Variants in AXIN2 observed in about 807,000 individuals in gnomAD.
The protein encoded by AXIN2 is axin 2.
A neutral mutation model predicts 74.7 loss-of-function variants in AXIN2; 21 were observed. That is an observed-to-expected ratio of 0.28 (90% CI 0.20 to 0.40). The LOEUF (loss-of-function observed/expected upper bound fraction) is 0.40. Among genes scored for constraint, AXIN2 ranks in the 10% least tolerant of loss-of-function variants. The pLI is 1.00. For synonymous variants in AXIN2, 532 were observed against 454.9 expected (o/e 1.17, Z -2.16); for missense variants, 1,144 against 1,111.1 (o/e 1.03, Z -0.42).
intron 3 of AXIN2, among the ~76,000 whole-genome samples, 164 bp downstream of exon 3, chr17:65,549,356 A>G (rs1025109669): frequency 6.6e-6 from 1 of 152,112 alleles, no homozygotes; most frequent in Admixed American, 6.5e-5. Context: ...ATCCTCCTTA[A>G]TCAGCACCAT....
chr17:65,541,100 A>G (rs1431768456), intron 4 of AXIN2, among the ~76,000 whole-genome samples: 1 of 151,564 alleles, frequency 6.6e-6, no homozygotes, highest in Non-Finnish European at 1.5e-5. Context: ...TGGGTCTCGA[A>G]CTCCTGACCT....
rs146046642 is a variant in AXIN2, at chr17:65,554,425, G to A, written c.815+3381C>T. Among the ~76,000 whole-genome samples, 777 of 152,340 alleles carry A rather than the reference G, an allele frequency of 5.1e-3. 18 individuals are homozygous for A. The highest frequency in any genetic ancestry group is 0.041 in the Admixed American group (630 of 15,306). ...AGCATTTTCTAAGGCAAGATCAAGGGACACTCGGCAAGGGGCCAGGACTCC... is the reference window on the plus strand; with the variant it reads ...AGCATTTTCTAAGGCAAGATCAAGGAACACTCGGCAAGGGGCCAGGACTCC... On this transcript the variant is annotated intron_variant, in intron 2 of 10. Coordinates refer to ENST00000307078, the MANE Select transcript of AXIN2 (RefSeq NM_004655.4).
Position 65,537,760 on chromosome 17 carries a change from G to T in AXIN2, c.1276C>A (p.Leu426Met). ...TCTTCCTCGTAGCTGCCGGAGGGCA[G>T]TAGGGAGAGGGGGTGCTGCGTGGGC... is the stretch of plus-strand genomic sequence containing the variant. ...GAPTQHPLSL[L>M]PSGSYEEDPQ... The change falls in exon 6 of 11, where the codon CTG becomes ATG. Residue 426 changes from leucine (L) to methionine (M), a missense_variant. Around this residue, in one of 4 missense-constraint regions of AXIN2, gnomAD observed 1,053 missense variants for 973.5 expected, o/e 1.08. Coordinates refer to ENST00000307078, the MANE Select transcript of AXIN2 (RefSeq NM_004655.4). 6.3e-7 allele frequency: 1 copy of T among 1,583,038 alleles called. No homozygotes were observed. Among genetic ancestry groups the T allele is most frequent in the South Asian group, 1.1e-5 (1 of 87,090 alleles).
intron 8 of AXIN2, 122 bp from the exon 9 acceptor site, chr17:65,535,843 C>G (rs998963874): frequency 1.1e-6 from 1 of 887,186 alleles, no homozygotes; most frequent in Non-Finnish European, 1.8e-6. Context: ...TCCATCCTTA[C>G]GGAGACCCAA....
chr17:65,540,639 C>T (rs1364698768), intron 4 of AXIN2, among the ~76,000 whole-genome samples: 1 of 152,066 alleles, frequency 6.6e-6, no homozygotes, highest in Non-Finnish European at 1.5e-5. Context: ...GTGTTTCGTG[C>T]CCTCCCTGCA....
Position 65,529,986 on chromosome 17 carries a change from C to G in AXIN2, c.2522G>C (p.Arg841Pro), listed in dbSNP as rs562176077. The change falls in exon 11 of 11, where the codon CGG becomes CCG. Residue 841 changes from arginine (R) to proline (P), a missense_variant. Arg to Pro is a moderately radical substitution (Grantham distance 103). Around this residue, in one of 4 missense-constraint regions of AXIN2, gnomAD observed 65 missense variants for 95.7 expected, o/e 0.68. Coordinates refer to ENST00000307078, the MANE Select transcript of AXIN2 (RefSeq NM_004655.4). ...GCCAGACCCCAGGGCTCAATCGATC[C>G]GCTCCACTTTGCCCAGAATCCGGCC... ...YEGRILGKVE[R>P]ID is the part of the protein sequence containing the mutation. The G allele has an allele frequency of 1.2e-6, 2 of 1,614,072 alleles. No individual in the cohort carries two copies. The highest frequency in any genetic ancestry group is 8.5e-7 in the Non-Finnish European group (1 of 1,180,024).
rs774856851 is a variant in AXIN2, at chr17:65,535,562, T to C, written c.2237+64A>G. On this transcript the variant is annotated intron_variant, in intron 9 of 10. Transcript: ENST00000307078. ...AGTTTCATGAAAATGAAACTCCAGA[T>C]AGCGAATATTCTGAAACATAAAGCA... is the stretch of plus-strand genomic sequence containing the variant. 43 of 1,497,174 alleles carry C rather than the reference T, an allele frequency of 2.9e-5. No homozygotes were observed. The Admixed American group carries it at 4.2e-4, about 15-fold the overall frequency. The allele number at this position is 1,497,174 out of a possible 1,614,324, so 92.7% of individuals were successfully genotyped here.
chr17:65,559,747 G>A (rs1895908835), intron 1 of AXIN2, among the ~76,000 whole-genome samples: 1 of 152,216 alleles, frequency 6.6e-6, no homozygotes, highest in South Asian at 2.1e-4. Context: ...GCTTTCCCTA[G>A]CACGGAAAAG....
At chr17:65,535,771 G>T in intron 8 of AXIN2, 50 bp from the exon 9 acceptor site, 2 of 1,533,154 alleles carry the variant, frequency 1.3e-6, no homozygotes, top group Non-Finnish European at 1.8e-6. Flanking sequence ...GTTGTCCCCA[G>T]AGCAATTGAA....
intron 7 of AXIN2, 153 bp downstream of exon 7, chr17:65,536,716 T>C: frequency 1.4e-6 from 2 of 1,400,632 alleles, no homozygotes; most frequent in Non-Finnish European, 2.0e-6. Context: ...ATGACATTTT[T>C]GTGGTCTGCT....
intron 9 of AXIN2, among the ~76,000 whole-genome samples, 160 bp from the exon 10 acceptor site, chr17:65,534,239 CAG>C (rs1163055870): frequency 1.5e-4 from 23 of 152,362 alleles, no homozygotes; most frequent in Admixed American, 7.8e-4. Flanking sequence ...CCCCACATCC[CAG>C]AGTCAGGCAG....
intron 2 of AXIN2, among the ~76,000 whole-genome samples, chr17:65,555,682 A>G (rs1401947031): frequency 1.3e-5 from 2 of 152,152 alleles, no homozygotes; most frequent in Non-Finnish European, 1.5e-5. Flanking sequence ...ACAGATGGGC[A>G]CATGCCATTC....
Position 65,529,459 on chromosome 17 carries a change from T to G in AXIN2, c.*517A>C. Reference sequence around the variant, plus strand: ...TGGAGGGACGTAGTGCAAAGCATAATTCCTCTGTTAGTGAAGAAACCATGA... The same window carrying G: ...TGGAGGGACGTAGTGCAAAGCATAAGTCCTCTGTTAGTGAAGAAACCATGA... On this transcript the variant is annotated 3_prime_UTR_variant, in exon 11 of 11. Transcript: ENST00000307078. The G allele has an allele frequency of 3.6e-6, 1 of 276,504 alleles. No homozygotes were observed. Among genetic ancestry groups the G allele is most frequent in the Non-Finnish European group, 7.0e-6 (1 of 143,846 alleles). 17.1% of individuals were successfully genotyped at this position (276,504 alleles called of 1,614,324 possible). A position where few individuals can be genotyped will look rare whatever the true frequency, so the allele number is the denominator to read the frequency against.
chr17:65,557,773 G>GCATCAGCC, intron 2 of AXIN2, 33 bp downstream of exon 2: 1 of 1,604,792 alleles, frequency 6.2e-7, no homozygotes, highest in Non-Finnish European at 8.5e-7. Flanking sequence ...AAAGTCCACA[G>GCATCAGCC]CATCAGCCCA....
At chr17:65,539,644 C>T (rs1002915876) in intron 4 of AXIN2, among the ~76,000 whole-genome samples, 3 of 152,216 alleles carry the variant, frequency 2.0e-5, no homozygotes, top group African/African-American at 7.2e-5. Context: ...CAAGGTAAGT[C>T]TGCCCTTGTC....
intron 3 of AXIN2, among the ~76,000 whole-genome samples, chr17:65,544,623 G>T (rs906823004): frequency 1.3e-5 from 2 of 152,158 alleles, no homozygotes; most frequent in African/African-American, 4.8e-5. Flanking sequence ...AAAAGTCTGT[G>T]ATCAGTTTCC....
intron 10 of AXIN2, among the ~76,000 whole-genome samples, chr17:65,533,353 G>A (rs571903994): frequency 1.3e-5 from 2 of 152,324 alleles, no homozygotes; most frequent in African/African-American, 4.8e-5. Flanking sequence ...TGCTTCTAAT[G>A]GCCCATAAAA....
chr17:65,546,359 G>A (rs2044118693), intron 3 of AXIN2, among the ~76,000 whole-genome samples: 1 of 152,196 alleles, frequency 6.6e-6, no homozygotes, highest in Non-Finnish European at 1.5e-5. Flanking sequence ...GCAGAGTTCT[G>A]AAGAGGAGGT....
At chr17:65,535,601 A>T in intron 9 of AXIN2, 25 bp downstream of exon 9, 1 of 1,600,210 alleles carries the variant, frequency 6.2e-7, no homozygotes, top group Non-Finnish European at 8.6e-7. Flanking sequence ...GGCAGATCTC[A>T]GTAATGTCAG....
Sources: allele counts gnomAD v4.1 joint callset (sites outside exome capture counted in the v4.1 genomes callset), GRCh38; gene constraint gnomAD v4.1.1; regional missense constraint gnomAD v4.1.1; transcripts MANE v1.5; gene names NCBI Gene and HGNC (gene_info 2026-07-23, HGNC 2026-07-21).